The following SGCD variants were observed in gnomAD, a reference collection of about 807,000 sequenced individuals.
SGCD encodes the protein delta-sarcoglycan.
A neutral mutation model predicts 36.6 loss-of-function variants in SGCD; 18 were observed. The ratio of observed to expected loss-of-function variants is 0.49; its 90% confidence interval spans 0.34 to 0.73. SGCD has a LOEUF of 0.73. Among genes scored for constraint, SGCD ranks in the 30% least tolerant of loss-of-function variants. The probability of loss-of-function intolerance (pLI) is 0.01; values close to 1 mark genes in which losing one functional copy is unlikely to be tolerated. For missense variants in SGCD, 387 were observed against 346.7 expected, an observed-to-expected ratio of 1.12 and a Z score of -0.92; for synonymous variants, 133 against 130.6, an observed-to-expected ratio of 1.02 and a Z score of -0.12.
chr5:156,514,822 A>G (rs1204650014), intron 4 of SGCD, among the ~76,000 whole-genome samples: 1 of 152,202 alleles, frequency 6.6e-6, no homozygotes, highest in African/African-American at 2.4e-5. Flanking sequence ...TACCTGCACA[A>G]CTGAGATATT....
At chr5:155,797,671 G>A in the SGCD span, among the ~76,000 whole-genome samples, 5 of 152,150 alleles carry the variant, frequency 3.3e-5, no homozygotes, top group African/African-American at 1.2e-4. Flanking sequence ...TCAAACTACT[G>A]TGACTCTAGA....
chr5:156,010,971 T>A (rs999668730), intron 1 of SGCD, among the ~76,000 whole-genome samples: 1 of 152,180 alleles, frequency 6.6e-6, no homozygotes, highest in African/African-American at 2.4e-5. Context: ...GTTTTGTTTC[T>A]TTGCCAAACT....
intron 1 of SGCD, among the ~76,000 whole-genome samples, chr5:156,049,400 A>G (rs941858870): frequency 2.1e-5 from 3 of 145,674 alleles, no homozygotes; most frequent in Admixed American, 2.1e-4. Flanking sequence ...CATTGAATCT[A>G]TAAATTCCCT....
the SGCD span, among the ~76,000 whole-genome samples, chr5:155,805,932 G>A: frequency 6.6e-6 from 1 of 152,184 alleles, no homozygotes. Context: ...AAGCTGGGAA[G>A]CAGTTAGAAG....
At chr5:156,607,049 C>G in intron 6 of SGCD, among the ~76,000 whole-genome samples, 1 of 152,204 alleles carries the variant, frequency 6.6e-6, no homozygotes, top group East Asian at 1.9e-4. Context: ...CCTTCTCCTG[C>G]CTAATTGCCC....
chr5:156,729,194 G>C (rs953859459), intron 7 of SGCD, among the ~76,000 whole-genome samples: 6 of 152,142 alleles, frequency 3.9e-5, no homozygotes, highest in Non-Finnish European at 8.8e-5. Flanking sequence ...TATCATTCTT[G>C]GATTTTTCTG....
chr5:155,956,125 T>C (rs1017813085), intron 1 of SGCD, among the ~76,000 whole-genome samples: 1 of 142,886 alleles, frequency 7.0e-6, no homozygotes, highest in Non-Finnish European at 1.5e-5. Flanking sequence ...TTTTTTTTTT[T>C]CCCACCTCTC....
chr5:155,728,899 C>T, the SGCD span, among the ~76,000 whole-genome samples: 1 of 152,230 alleles, frequency 6.6e-6, no homozygotes. Flanking sequence ...CGCCGCGTGG[C>T]CCAGGAGAGG....
At chr5:156,341,594 TG>T (rs763864475) in intron 2 of SGCD, among the ~76,000 whole-genome samples, 15 of 152,256 alleles carry the variant, frequency 9.9e-5, no homozygotes, top group Non-Finnish European at 1.8e-4. Flanking sequence ...ACCAATGGCA[TG>T]TAATCCTGTC....
At chr5:156,179,188 C>G (rs766272564) in intron 3 of SGCD, among the ~76,000 whole-genome samples, 1 of 151,870 alleles carries the variant, frequency 6.6e-6, no homozygotes, top group African/African-American at 2.4e-5. Context: ...TTAACATTTT[C>G]TATGTACTTT....
chr5:156,388,007 G>T (rs1358877983), intron 3 of SGCD, among the ~76,000 whole-genome samples: 1 of 152,134 alleles, frequency 6.6e-6, no homozygotes, highest in East Asian at 1.9e-4. Flanking sequence ...GACTCAATAG[G>T]TATGAAGCTG....
rs1757590549 is a variant in SGCD at position 156,766,502 on chromosome 5, G to A, written c.*7112G>A. 6.6e-6 allele frequency: 1 copy of A among 150,560 alleles called. No individual in the cohort carries two copies. Among genetic ancestry groups the A allele is most frequent in the South Asian group, 2.1e-4 (1 of 4,680 alleles). The allele number at this position is 150,560 out of a possible 1,614,324, so 9.3% of individuals were successfully genotyped here. On this transcript the variant is annotated 3_prime_UTR_variant, in exon 9 of 9. Transcript: ENST00000337851. Reference sequence around the variant, plus strand: ...CCGTTACTACCAATTTATCTGAGTTGGAAATAAGACTCATTTGCCAGTTCT... The same window carrying A: ...CCGTTACTACCAATTTATCTGAGTTAGAAATAAGACTCATTTGCCAGTTCT...
In SGCD at chr5:156,434,528, A is replaced by G. The variant is rs912663245; in HGVS notation, c.193-74073A>G. On this transcript the variant is annotated intron_variant, in intron 3 of 8. Transcript: ENST00000337851. Reference sequence around the variant, plus strand: ...TATTTAATTAGTTTTGGTTTCAAATAAAGGTATTTGCTGCAAACCCGGCCA... The same window carrying G: ...TATTTAATTAGTTTTGGTTTCAAATGAAGGTATTTGCTGCAAACCCGGCCA... Among the ~76,000 whole-genome samples, 34 of 152,344 alleles carry G rather than the reference A, an allele frequency of 2.2e-4. No homozygotes were observed. The South Asian group carries it at 2.3e-3, about 10-fold the overall frequency.
chr5:156,131,661 A>C (rs1394825972), intron 3 of SGCD, among the ~76,000 whole-genome samples: 1 of 152,166 alleles, frequency 6.6e-6, no homozygotes, highest in Non-Finnish European at 1.5e-5. Flanking sequence ...AGAATTTGCA[A>C]CCTTGGAATG....
chr5:156,020,759 A>G lies in SGCD; in HGVS notation c.-281-97119A>G, dbSNP rs542104771. Among the ~76,000 whole-genome samples, 75 of 152,288 alleles carry G rather than the reference A, an allele frequency of 4.9e-4. 1 individual carries two copies. Among genetic ancestry groups the G allele is most frequent in the African/African-American group, 1.7e-3 (72 of 41,536 alleles). ...CGCTAGTGTGTATTGGTCAGGCTCT[A>G]TGCTAACTGTCTTACAAGTGTTTCT... On this transcript the variant is annotated intron_variant, in intron 1 of 9. Transcript: ENST00000517913.
chr5:155,849,524 A>T, the SGCD span, among the ~76,000 whole-genome samples: 67 of 152,186 alleles, frequency 4.4e-4, no homozygotes, highest in Middle Eastern at 3.4e-3. Flanking sequence ...TCCCCCATAC[A>T]TACCTGTGGA....
In SGCD at chr5:156,473,807, T is replaced by C. The variant is rs190885204; in HGVS notation, c.193-34794T>C. 8.8e-4 allele frequency among the ~76,000 whole-genome samples: 134 copies of C among 152,210 alleles called. 1 individual carries two copies. Among genetic ancestry groups the C allele is most frequent in the Admixed American group, 2.2e-3 (33 of 15,270 alleles). ...AGGAGCAATCGAAGTGATAATCCAC[T>C]GACCACCTTTTGAGAAAAAATGATC... On this transcript the variant is annotated intron_variant, in intron 3 of 8. Transcript: ENST00000337851.
intron 2 of SGCD, among the ~76,000 whole-genome samples, chr5:156,120,275 A>G (rs1273322594): frequency 1.3e-5 from 2 of 152,074 alleles, no homozygotes; most frequent in African/African-American, 2.4e-5. Flanking sequence ...TGAGGAGCAA[A>G]GTAAGGAAAT....
intron 3 of SGCD, among the ~76,000 whole-genome samples, chr5:156,397,571 C>T (rs771793146): frequency 6.6e-6 from 1 of 152,124 alleles, no homozygotes. Flanking sequence ...GCCCTGTTGA[C>T]CACACTGGGC....
Sources: allele counts gnomAD v4.1 joint callset (sites outside exome capture counted in the v4.1 genomes callset), GRCh38; gene constraint gnomAD v4.1.1; transcripts MANE v1.5; gene names NCBI Gene and HGNC (gene_info 2026-07-23, HGNC 2026-07-21).